CSGALNACT2: variants seen among roughly 807,000 people sequenced by gnomAD.
CSGALNACT2 encodes the protein chondroitin sulfate N-acetylgalactosaminyltransferase 2, also known as beta 4 GalNAcT-2.
Under a neutral mutation model 55.3 loss-of-function variants are expected in CSGALNACT2, and 35 were observed. That is an observed-to-expected ratio of 0.63 (90% confidence interval 0.48 to 0.84). The LOEUF (loss-of-function observed/expected upper bound fraction) is 0.84. Among genes scored for constraint, CSGALNACT2 ranks in the 40% least tolerant of loss-of-function variants. The pLI is 0.00. For missense variants in CSGALNACT2, 544 were observed against 657.5 expected, an observed-to-expected ratio of 0.83 and a Z score of 1.89; for synonymous variants, 196 against 224.9, an observed-to-expected ratio of 0.87 and a Z score of 1.15.
intron 6 of CSGALNACT2, among the ~76,000 whole-genome samples, chr10:43,168,665 TACAC>T (rs1457650675): frequency 1.0e-5 from 1 of 96,626 alleles, no homozygotes. Context: ...CTTGGCATAG[TACAC>T]ACAGACACAC....
At chr10:43,141,791 G>A (rs891230999) in intron 1 of CSGALNACT2, among the ~76,000 whole-genome samples, 27 of 152,126 alleles carry the variant, frequency 1.8e-4, no homozygotes, top group Admixed American at 1.3e-3. Flanking sequence ...AGGTAGGAGT[G>A]TCCAGGCACA....
rs1839636732 is a variant in CSGALNACT2, at chr10:43,183,652, A to G, written c.*110A>G. The G allele has an allele frequency of 1.2e-6, 1 of 852,172 alleles. No individual in the cohort carries two copies. Among genetic ancestry groups the G allele is most frequent in the Admixed American group, 2.6e-5 (1 of 39,118 alleles). The allele number at this position is 852,172 out of a possible 1,614,324, so 52.8% of individuals were successfully genotyped here. ...TTTGGAGAAGACATGTTTATTTTTC[A>G]TGTTCTTTCTGACATTACTTTAGCA... On this transcript the variant is annotated 3_prime_UTR_variant, in exon 8 of 8. Transcript: ENST00000374466.
At chr10:43,142,176 AT>A (rs1195264774) in intron 1 of CSGALNACT2, among the ~76,000 whole-genome samples, 14 of 151,298 alleles carry the variant, frequency 9.3e-5, no homozygotes, top group Non-Finnish European at 1.6e-4. Flanking sequence ...TACACTTTTT[AT>A]TTTTTTTATT....
chr10:43,157,879 A>T (rs1839050136), intron 2 of CSGALNACT2, among the ~76,000 whole-genome samples: 2 of 151,976 alleles, frequency 1.3e-5, no homozygotes. Context: ...AAATACAAAA[A>T]TTAGCTGGGC....
At chr10:43,163,696 C>T in intron 4 of CSGALNACT2, 170 bp from the exon 5 acceptor site, 1 of 985,224 alleles carries the variant, frequency 1.0e-6, no homozygotes, top group Non-Finnish European at 1.2e-6. Flanking sequence ...AATATCTCTC[C>T]CTGATGATAA....
In CSGALNACT2 at chr10:43,158,900, G is replaced by A. The variant is rs936323348; in HGVS notation, c.847G>A (p.Glu283Lys). The part of the protein sequence containing the change: ...NIIVPLAERT[E>K]AFVQFMQNFR... ...CATTGTGCCACTTGCTGAAAGAACT[G>A]AAGCATTTGTACAATTTATGCAGAA... Residue 283 changes from glutamate to lysine, a missense_variant, in exon 3 of 8, where the codon GAA becomes AAA. Around this residue, in one of 2 missense-constraint regions of CSGALNACT2, gnomAD observed 374 missense variants for 401.3 expected, o/e 0.93. Coordinates refer to ENST00000374466, the MANE Select transcript of CSGALNACT2 (RefSeq NM_018590.5). 1 of 1,608,842 alleles carries A rather than the reference G, an allele frequency of 6.2e-7. No individual in the cohort carries two copies. The highest frequency in any genetic ancestry group is 1.3e-5 in the African/African-American group (1 of 74,810).
At chr10:43,152,369 C>G (rs936549341) in intron 1 of CSGALNACT2, among the ~76,000 whole-genome samples, 1 of 152,058 alleles carries the variant, frequency 6.6e-6, no homozygotes, top group African/African-American at 2.4e-5. Context: ...GGGAACTAGG[C>G]AAATAAGATT....
At chr10:43,173,075 A>T (rs1353377616) in intron 6 of CSGALNACT2, among the ~76,000 whole-genome samples, 4 of 152,202 alleles carry the variant, frequency 2.6e-5, no homozygotes, top group Non-Finnish European at 5.9e-5. Context: ...GGGAGAATGG[A>T]TTGTGTGTGG....
At chr10:43,176,143 G>A (rs1839477729) in intron 7 of CSGALNACT2, 111 bp downstream of exon 7, 1 of 757,468 alleles carries the variant, frequency 1.3e-6, no homozygotes, top group Non-Finnish European at 2.1e-6. Flanking sequence ...GAGTGTCTAA[G>A]GTTAGCTAAA....
At chr10:43,143,796 G>A (rs942312092) in intron 1 of CSGALNACT2, among the ~76,000 whole-genome samples, 2 of 152,080 alleles carry the variant, frequency 1.3e-5, no homozygotes, top group African/African-American at 4.8e-5. Flanking sequence ...GGATCCATTT[G>A]ATATTACTTG....
chr10:43,174,634 C>G (rs1839444596), intron 6 of CSGALNACT2, among the ~76,000 whole-genome samples: 1 of 152,198 alleles, frequency 6.6e-6, no homozygotes, highest in African/African-American at 2.4e-5. Flanking sequence ...TGACCTAAAT[C>G]TTTTCCACAT....
chr10:43,162,629 A>G, intron 4 of CSGALNACT2: 1 of 985,386 alleles, frequency 1.0e-6, no homozygotes. Flanking sequence ...TCCATTACCC[A>G]TTCTGTACTG....
At chr10:43,174,109 C>T (rs1236488356) in intron 6 of CSGALNACT2, among the ~76,000 whole-genome samples, 2 of 151,814 alleles carry the variant, frequency 1.3e-5, no homozygotes, top group Admixed American at 1.3e-4. Context: ...TGGCATTGTT[C>T]TAGGTGCTAG....
intron 1 of CSGALNACT2, among the ~76,000 whole-genome samples, chr10:43,151,572 G>A (rs762574520): frequency 2.6e-5 from 4 of 152,118 alleles, no homozygotes; most frequent in Non-Finnish European, 4.4e-5. Context: ...TCCTTAGCCC[G>A]TTAGTTGCCT....
At position 43,179,300 on chromosome 10, in the gene CSGALNACT2, C is replaced by G. The variant is rs1286488904; in HGVS notation, c.1336+3268C>G. 5.5e-5 allele frequency among the ~76,000 whole-genome samples: 8 copies of G among 144,414 alleles called. 1 individual carries two copies. The highest frequency in any genetic ancestry group is 1.1e-4 in the Non-Finnish European group (7 of 66,302). 94.7% of individuals were successfully genotyped at this position (144,414 alleles called of 152,430 possible). A position where few individuals can be genotyped will look rare whatever the true frequency, so the allele number is the denominator to read the frequency against. ...TCACATCTTCTTGTTTCTTTGCATT[C>G]CTCATTATTTCTTTTTCGAAAACTA... On this transcript the variant is annotated intron_variant, in intron 7 of 7. Transcript: ENST00000374466.
intron 1 of CSGALNACT2, among the ~76,000 whole-genome samples, chr10:43,146,855 T>C (rs1838760468): frequency 6.6e-6 from 1 of 152,088 alleles, no homozygotes; most frequent in Admixed American, 6.6e-5. Flanking sequence ...CAACACTTGG[T>C]ATGGTCATTC....
At chr10:43,175,388 AACCACCCTGGTTT>A (rs1437369041) in intron 6 of CSGALNACT2, among the ~76,000 whole-genome samples, 2 of 152,166 alleles carry the variant, frequency 1.3e-5, no homozygotes, top group Non-Finnish European at 2.9e-5. Flanking sequence ...AGTTCCCAAC[AACCACCCTGGTTT>A]ACCTACTTGG....
chr10:43,181,497 A>G (rs554476565), intron 7 of CSGALNACT2, among the ~76,000 whole-genome samples: 2 of 152,202 alleles, frequency 1.3e-5, no homozygotes, highest in Non-Finnish European at 2.9e-5. Context: ...GCTTATATCT[A>G]CAAGGAAGAA....
chr10:43,161,723 A>G (rs1187107480), intron 4 of CSGALNACT2, among the ~76,000 whole-genome samples: 6 of 152,154 alleles, frequency 3.9e-5, no homozygotes, highest in Admixed American at 1.3e-4. Context: ...CATTTTCACC[A>G]TCTGGGCATG....
Sources: allele counts gnomAD v4.1 joint callset (sites outside exome capture counted in the v4.1 genomes callset), GRCh38; gene constraint gnomAD v4.1.1; regional missense constraint gnomAD v4.1.1; transcripts MANE v1.5; gene names NCBI Gene and HGNC (gene_info 2026-07-23, HGNC 2026-07-21).